The following GRM7 variants were observed in gnomAD, a reference collection of about 807,000 sequenced individuals.
The protein encoded by GRM7 is metabotropic glutamate receptor 7.
Under a neutral mutation model 84.5 loss-of-function variants are expected in GRM7, and 35 were observed. The ratio of observed to expected loss-of-function variants is 0.41; its 90% CI spans 0.32 to 0.55. The LOEUF (loss-of-function observed/expected upper bound fraction) is 0.55. Among genes scored for constraint, GRM7 ranks in the 20% least tolerant of loss-of-function variants. The pLI is 0.19. For missense variants in GRM7, 1,003 were observed against 1,194.6 expected (o/e 0.84, Z 2.36); for synonymous variants, 487 against 455.1 (o/e 1.07, Z -0.89).
At chr3:7,543,345 T>G (rs1374279497) in intron 7 of GRM7, among the ~76,000 whole-genome samples, 1 of 152,110 alleles carries the variant, frequency 6.6e-6, no homozygotes, top group Non-Finnish European at 1.5e-5. Context: ...CAAGTGGTGG[T>G]GGAGATGACA....
intron 1 of GRM7, among the ~76,000 whole-genome samples, chr3:7,065,020 A>C (rs1221743894): frequency 6.6e-6 from 1 of 151,650 alleles, no homozygotes; most frequent in African/African-American, 2.4e-5. Flanking sequence ...TCCTTAGCCC[A>C]CTTTTTGATG....
chr3:7,540,255 T>A (rs1456688947), intron 7 of GRM7, among the ~76,000 whole-genome samples: 2 of 152,204 alleles, frequency 1.3e-5, no homozygotes, highest in Non-Finnish European at 2.9e-5. Flanking sequence ...ATTGAAAGCA[T>A]ATGTCCACAC....
At chr3:7,726,613 C>CTATATATATATATATATA (rs56250356) in intron 9 of GRM7, among the ~76,000 whole-genome samples, 3 of 58,096 alleles carry the variant, frequency 5.2e-5, no homozygotes, top group Non-Finnish European at 1.0e-4. Context: ...CTCTCTCCCT[C>CTATATATATATATATATA]TATATATATA....
intron 1 of GRM7, among the ~76,000 whole-genome samples, chr3:7,005,500 A>G (rs1695152050): frequency 6.6e-6 from 1 of 152,226 alleles, no homozygotes; most frequent in Non-Finnish European, 1.5e-5. Flanking sequence ...GAATAAACTT[A>G]TGTTCAATAG....
At chr3:7,038,803 T>C (rs1174842165) in intron 1 of GRM7, among the ~76,000 whole-genome samples, 2 of 152,146 alleles carry the variant, frequency 1.3e-5, no homozygotes, top group African/African-American at 2.4e-5. Context: ...TTTAATAACG[T>C]TTTCAAGGGG....
At chr3:7,205,055 T>G (rs945630262) in intron 2 of GRM7, among the ~76,000 whole-genome samples, 1 of 152,204 alleles carries the variant, frequency 6.6e-6, no homozygotes, top group African/African-American at 2.4e-5. Context: ...GAAGAATGAC[T>G]GTGCTGTACA....
At chr3:7,386,898 GT>G (rs764404355) in intron 4 of GRM7, among the ~76,000 whole-genome samples, 40 of 152,264 alleles carry the variant, frequency 2.6e-4, no homozygotes, top group Middle Eastern at 3.4e-3. Flanking sequence ...GTGCGTAAGT[GT>G]TCCCTTTTCT....
At chr3:7,228,006 C>T (rs1697038562) in intron 2 of GRM7, among the ~76,000 whole-genome samples, 1 of 152,088 alleles carries the variant, frequency 6.6e-6, no homozygotes, top group South Asian at 2.1e-4. Context: ...AGAATATAAC[C>T]AGAAAGTTAT....
chr3:7,449,139 GA>G (rs1697655434), intron 5 of GRM7, among the ~76,000 whole-genome samples: 1 of 151,848 alleles, frequency 6.6e-6, no homozygotes. Flanking sequence ...TAGAAAGTTG[GA>G]AAACAGTAAA....
At chr3:7,724,174 T>G (rs1374557402) in intron 9 of GRM7, among the ~76,000 whole-genome samples, 1 of 152,172 alleles carries the variant, frequency 6.6e-6, no homozygotes, top group Non-Finnish European at 1.5e-5. Context: ...GAACCATGCC[T>G]GCCTGTATTA....
Position 7,572,852 on chromosome 3 carries a change from AT to A in GRM7, c.1516-5569del, listed in dbSNP as rs1694756626. Among the ~76,000 whole-genome samples the A allele has an allele frequency of 1.4e-4, 6 of 43,524 alleles. 1 individual carries two copies. Among genetic ancestry groups the A allele is most frequent in the African/African-American group, 3.0e-4 (3 of 9,952 alleles). The allele number at this position is 43,524 out of a possible 152,430, so 28.6% of individuals were successfully genotyped here. A position where few individuals can be genotyped will look rare whatever the true frequency, so the allele number is the denominator to read the frequency against. On this transcript the variant is annotated intron_variant, in intron 7 of 9. Coordinates refer to ENST00000357716, the MANE Select transcript of GRM7 (RefSeq NM_000844.4). The stretch of plus-strand genomic sequence containing the variant: ...TATATATATATATATATATATATAT[AT>A]ATATATATATATATATATATATATA...
At position 7,706,598 on chromosome 3, in the gene GRM7, A is replaced by C. The variant is rs12715606; in HGVS notation, c.2698+26303A>C. Among the ~76,000 whole-genome samples the C allele has an allele frequency of 2.2e-3, 338 of 152,332 alleles. 2 individuals carry two copies. Among genetic ancestry groups the C allele is most frequent in the African/African-American group, 7.8e-3 (325 of 41,578 alleles). On this transcript the variant is annotated intron_variant, in intron 9 of 9. Transcript: ENST00000357716. ...AAGGGAAGTGCATGGGACAGGGTCCAAGCGAAGTGTCAAATGTGGAGTCCT... is the reference window on the plus strand; with the variant it reads ...AAGGGAAGTGCATGGGACAGGGTCCCAGCGAAGTGTCAAATGTGGAGTCCT...
At chr3:7,404,418 T>C (rs1366177332) in intron 4 of GRM7, among the ~76,000 whole-genome samples, 1 of 152,174 alleles carries the variant, frequency 6.6e-6, no homozygotes, top group Non-Finnish European at 1.5e-5. Context: ...CTGACAGCCT[T>C]TCTGAGAACT....
At chr3:7,149,487 A>G (rs1694211989) in intron 2 of GRM7, among the ~76,000 whole-genome samples, 1 of 152,206 alleles carries the variant, frequency 6.6e-6, no homozygotes, top group African/African-American at 2.4e-5. Context: ...CTGGGCATAT[A>G]CATGGTTAGG....
intron 1 of GRM7, among the ~76,000 whole-genome samples, chr3:6,947,747 A>C (rs1473073412): frequency 6.6e-6 from 1 of 152,176 alleles, no homozygotes; most frequent in Non-Finnish European, 1.5e-5. Context: ...TTATTGGTCT[A>C]TTCAGAGATT....
intron 1 of GRM7, among the ~76,000 whole-genome samples, chr3:6,973,781 A>G (rs902268455): frequency 6.6e-6 from 1 of 152,234 alleles, no homozygotes; most frequent in African/African-American, 2.4e-5. Context: ...GCTTGAGCTA[A>G]GGGAATGTGA....
At chr3:7,259,689 C>A (rs1698335748) in intron 2 of GRM7, among the ~76,000 whole-genome samples, 1 of 152,144 alleles carries the variant, frequency 6.6e-6, no homozygotes, top group Non-Finnish European at 1.5e-5. Context: ...AGTATACCAT[C>A]ATTGGGCATA....
At chr3:7,643,204 T>C (rs773615055) in intron 8 of GRM7, among the ~76,000 whole-genome samples, 9 of 152,192 alleles carry the variant, frequency 5.9e-5, no homozygotes, top group Non-Finnish European at 1.0e-4. Context: ...ACCAGAGCTC[T>C]GGCTTCAATT....
chr3:6,875,346 G>A (rs1695263037), intron 1 of GRM7, among the ~76,000 whole-genome samples: 1 of 152,000 alleles, frequency 6.6e-6, no homozygotes, highest in Non-Finnish European at 1.5e-5. Flanking sequence ...ATCCCCATGT[G>A]CTGAGGGCGG....
Sources: gnomAD v4.1 joint callset for allele counts (sites outside exome capture counted in the v4.1 genomes callset) on GRCh38, gnomAD v4.1.1 for gene constraint, MANE v1.5 for transcripts, NCBI Gene and HGNC (gene_info 2026-07-23, HGNC 2026-07-21) for gene names.